The following CAMK1 variants were observed in gnomAD, a reference collection of about 807,000 sequenced individuals.
CAMK1 encodes calcium/calmodulin dependent protein kinase I.
Under a neutral mutation model 49.1 loss-of-function variants are expected in CAMK1, and 39 were observed. The observed-to-expected ratio is 0.79, with a 90% confidence interval of 0.62 to 1.04. The LOEUF (loss-of-function observed/expected upper bound fraction) is 1.04. Ranked by LOEUF, CAMK1 falls within the 50% of genes least tolerant of loss-of-function variation. CAMK1 has a pLI of 0.00. For missense variants in CAMK1, 457 were observed against 472.2 expected, an observed-to-expected ratio of 0.97 and a Z score of 0.30; for synonymous variants, 192 against 185.2, an observed-to-expected ratio of 1.04 and a Z score of -0.30.
chr3:9,766,765 C>G, intron 2 of CAMK1: 1 of 395,296 alleles, frequency 2.5e-6, no homozygotes, highest in Non-Finnish European at 3.6e-6. Context: ...AAATTTCAAT[C>G]CTCAGGGATA....
intron 3 of CAMK1, 34 bp from the exon 4 acceptor site, chr3:9,763,247 T>C (rs749029828): frequency 1.2e-6 from 2 of 1,613,218 alleles, no homozygotes; most frequent in South Asian, 2.2e-5. Flanking sequence ...TAGCCAGGCA[T>C]GGCGGTGTGC....
At position 9,758,031 on chromosome 3, in the gene CAMK1, C is replaced by G. The variant is rs372661748; in HGVS notation, c.913-185G>C. On this transcript the variant is annotated intron_variant, in intron 10 of 11. Coordinates refer to ENST00000256460, the MANE Select transcript of CAMK1 (RefSeq NM_003656.5). ...TTTATTATATATTTACACACACACACGCACATATGTTAGATGTATGTGTAT... is the reference window on the plus strand; with the variant it reads ...TTTATTATATATTTACACACACACAGGCACATATGTTAGATGTATGTGTAT... The G allele has an allele frequency of 6.0e-6, 5 of 829,090 alleles. No homozygotes were observed. In the East Asian group the frequency reaches 1.1e-4, roughly 18 times the overall value. 51.4% of individuals were successfully genotyped at this position (829,090 alleles called of 1,614,324 possible).
At chr3:9,760,263 A>C (rs1025947298) in intron 8 of CAMK1, 1 of 187,464 alleles carries the variant, frequency 5.3e-6, no homozygotes, top group African/African-American at 2.4e-5. Flanking sequence ...GAAAAAAAAA[A>C]AAAAGTTGTT....
chr3:9,761,855 C>T, intron 5 of CAMK1, 98 bp from the exon 6 acceptor site: 1 of 1,511,560 alleles, frequency 6.6e-7, no homozygotes, highest in African/African-American at 1.4e-5. Flanking sequence ...ATAATGGATC[C>T]CCAAAAGCCA....
rs2077972987 is a variant in CAMK1, at chr3:9,763,199, T to C, written c.230A>G (p.Asn77Ser). The C allele has an allele frequency of 1.2e-6, 2 of 1,613,624 alleles. No individual in the cohort carries two copies. The highest frequency in any genetic ancestry group is 1.7e-5 in the Admixed American group (1 of 59,976). The part of the protein sequence containing the change: ...IAVLHKIKHP[N>S]IVALDDIYES... ...ATAGATGTCATCCAGGGCTACAATG[T>C]TGGGGTGCTTGATCCTGAAAGGAGA... The change falls in exon 4 of 12, where the codon AAC becomes AGC. Residue 77 changes from asparagine (N) to serine (S), a missense_variant. Physicochemically the swap from Asn to Ser is conservative, Grantham distance 46. Coordinates refer to ENST00000256460, the MANE Select transcript of CAMK1 (RefSeq NM_003656.5).
At chr3:9,761,872 CTT>C (rs1357170010) in intron 5 of CAMK1, 115 bp from the exon 6 acceptor site, 89 of 1,454,772 alleles carry the variant, frequency 6.1e-5, no homozygotes, top group Non-Finnish European at 7.6e-5. Context: ...GCCACTGTGG[CTT>C]CATGGCTGTC....
intron 3 of CAMK1, among the ~76,000 whole-genome samples, chr3:9,763,828 A>G (rs1249125545): frequency 1.3e-5 from 2 of 152,114 alleles, no homozygotes; most frequent in East Asian, 3.9e-4. Flanking sequence ...TCTACTAAAA[A>G]TACAAAAATT....
intron 10 of CAMK1, chr3:9,758,217 G>T (rs1468345687): frequency 1.8e-5 from 3 of 166,354 alleles, no homozygotes; most frequent in South Asian, 3.1e-4. Context: ...TTCAAAGGAG[G>T]AAACTGAGGC....
rs1368198597 is a variant in CAMK1, at chr3:9,761,151, A to G, written c.632+310T>C. The stretch of plus-strand genomic sequence containing the variant: ...GTTTTTCTCCACAGTATTTATTTTT[A>G]TCACCTGACGTCAGTTTGTAGATTT... On this transcript the variant is annotated intron_variant, in intron 7 of 11. Coordinates refer to ENST00000256460, the MANE Select transcript of CAMK1 (RefSeq NM_003656.5). 8 of 345,104 alleles carry G rather than the reference A, an allele frequency of 2.3e-5. No individual in the cohort carries two copies. The East Asian group carries it at 4.5e-4, about 19-fold the overall frequency. The allele number at this position is 345,104 out of a possible 1,614,324, so 21.4% of individuals were successfully genotyped here. A position where few individuals can be genotyped will look rare whatever the true frequency, so the allele number is the denominator to read the frequency against.
In CAMK1 at chr3:9,763,343, T is replaced by A. The variant is rs530389184; in HGVS notation, c.216-130A>T. On this transcript the variant is annotated intron_variant, in intron 3 of 11. Transcript: ENST00000256460. Reference sequence around the variant, plus strand: ...AGCAGTTCAAAGCTGCAGTCTGTTATGATTGCACCTGTGACTAGCCACTGC... The same window carrying A: ...AGCAGTTCAAAGCTGCAGTCTGTTAAGATTGCACCTGTGACTAGCCACTGC... The A allele has an allele frequency of 2.2e-5, 23 of 1,050,630 alleles. No individual in the cohort carries two copies. In the Admixed American group the frequency reaches 3.0e-4, roughly 13 times the overall value. 65.1% of individuals were successfully genotyped at this position (1,050,630 alleles called of 1,614,324 possible).
intron 10 of CAMK1, chr3:9,758,743 C>A: frequency 5.0e-6 from 1 of 201,414 alleles, no homozygotes. Context: ...AATTCTCCTG[C>A]CTCAGCTTCC....
At position 9,759,481 on chromosome 3, in the gene CAMK1, G is replaced by A; in HGVS notation, c.912+7C>T. ...GGCTGGGACCAGAACTAGGGATATG[G>A]ACTCACCTTCCACTTGCTCTTGGCA... On this transcript the variant is annotated splice_region_variant and intron_variant, in intron 10 of 11. Coordinates refer to ENST00000256460, the MANE Select transcript of CAMK1 (RefSeq NM_003656.5). The A allele has an allele frequency of 6.2e-7, 1 of 1,614,134 alleles. No homozygotes were observed. The highest frequency in any genetic ancestry group is 1.1e-5 in the South Asian group (1 of 91,072).
chr3:9,765,183 C>G (rs1462684263), intron 3 of CAMK1, among the ~76,000 whole-genome samples: 1 of 150,528 alleles, frequency 6.6e-6, no homozygotes, highest in Non-Finnish European at 1.5e-5. Flanking sequence ...GCCAAGATTG[C>G]GTCACTGCAC....
chr3:9,763,061 G>A lies in CAMK1; in HGVS notation c.291-9C>T, dbSNP rs1439260868. The A allele has an allele frequency of 6.2e-7, 1 of 1,614,186 alleles. No individual in the cohort carries two copies. The highest frequency in any genetic ancestry group is 1.1e-5 in the South Asian group (1 of 91,088). On this transcript the variant is annotated splice_polypyrimidine_tract_variant and intron_variant, in intron 4 of 11. Coordinates refer to ENST00000256460, the MANE Select transcript of CAMK1 (RefSeq NM_003656.5). ...GCTCCCCACCCGACACCCTGCAGCA[G>A]GGGATAGGGCAGTCTGGCAAAGAGG...
At chr3:9,763,469 C>G (rs906062733) in intron 3 of CAMK1, among the ~76,000 whole-genome samples, 2 of 151,758 alleles carry the variant, frequency 1.3e-5, no homozygotes, top group African/African-American at 4.8e-5. Flanking sequence ...AACCCCCGAC[C>G]ACTGCCTACA....
Position 9,765,892 on chromosome 3 carries a change from T to C in CAMK1, c.84-2A>G, listed in dbSNP as rs1245554802. 1 of 1,613,626 alleles carries C rather than the reference T, an allele frequency of 6.2e-7. No individual in the cohort carries two copies. Among genetic ancestry groups the C allele is most frequent in the African/African-American group, 1.3e-5 (1 of 74,848 alleles). ...AGGATCACCTCCGAGAAGGCCCCCC[T>C]ATCGGGAGAGGGGATTCACAAGGTG... On this transcript the variant is annotated splice_acceptor_variant, in intron 2 of 11. Coordinates refer to ENST00000256460, the MANE Select transcript of CAMK1 (RefSeq NM_003656.5). LOFTEE classifies it high-confidence loss of function.
At position 9,763,158 on chromosome 3, in the gene CAMK1, G is replaced by T; in HGVS notation, c.271C>A (p.Leu91Ile). The change falls in exon 4 of 12, where the codon CTC becomes ATC. Residue 91 changes from leucine (L) to isoleucine (I), a missense_variant. Leu to Ile is a conservative substitution (Grantham distance 5, BLOSUM62 2). Coordinates refer to ENST00000256460, the MANE Select transcript of CAMK1 (RefSeq NM_003656.5). ...ACTCACAGCTGCATGATGAGGTAGA[G>T]GTGGCCCCCACTCTCATAGATGTCA... Reference protein sequence around the residue: ...LDDIYESGGHLYLIMQLVSGG... With the variant: ...LDDIYESGGHIYLIMQLVSGG... The T allele has an allele frequency of 6.2e-7, 1 of 1,614,080 alleles. No individual in the cohort carries two copies. Among genetic ancestry groups the T allele is most frequent in the East Asian group, 2.2e-5 (1 of 44,888 alleles).
At chr3:9,765,726 G>A (rs762117616) in intron 3 of CAMK1, 33 bp downstream of exon 3, 4 of 1,611,476 alleles carry the variant, frequency 2.5e-6, no homozygotes. Context: ...GGCAGGGTCA[G>A]CTTGGGGCAG....
intron 10 of CAMK1, 119 bp downstream of exon 10, chr3:9,759,369 G>A: frequency 6.5e-7 from 1 of 1,544,170 alleles, no homozygotes; most frequent in African/African-American, 1.4e-5. Context: ...CTTCAGTAAG[G>A]ATCCCTAAGC....
Sources: allele counts gnomAD v4.1 joint callset (sites outside exome capture counted in the v4.1 genomes callset), GRCh38; gene constraint gnomAD v4.1.1; transcripts MANE v1.5; gene names NCBI Gene and HGNC (gene_info 2026-07-23, HGNC 2026-07-21).